SESTD1: variants seen among roughly 807,000 people sequenced by gnomAD.
SESTD1 encodes the protein SEC14 and spectrin domain containing 1, also known as SEC14 domain and spectrin repeat-containing protein 1.
A neutral mutation model predicts 101.7 loss-of-function variants in SESTD1; 43 were observed. The ratio of observed to expected loss-of-function variants is 0.42; its 90% CI spans 0.33 to 0.55. The LOEUF (loss-of-function observed/expected upper bound fraction) is 0.55, where lower values mean the gene tolerates loss of function less well. Ranked by LOEUF, SESTD1 falls within the 20% of genes least tolerant of loss-of-function variation. The probability of loss-of-function intolerance (pLI) is 0.07; values close to 1 mark genes in which losing one functional copy is unlikely to be tolerated. For synonymous variants in SESTD1, 283 were observed against 286.8 expected (o/e 0.99, Z 0.13); for missense variants, 647 against 815.1 (o/e 0.79, Z 2.51).
In SESTD1 at chr2:179,264,786, C is replaced by G. The variant is rs2047540080; in HGVS notation, c.-313G>C. ...CGCGTCCGCGCGACCCCGCGCGCGCCCGGGTGACGGCGGTACAGCAACCCG... is the reference window on the plus strand; with the variant it reads ...CGCGTCCGCGCGACCCCGCGCGCGCGCGGGTGACGGCGGTACAGCAACCCG... On this transcript the variant is annotated 5_prime_UTR_variant, in exon 1 of 18. Transcript: ENST00000428443. 6.6e-6 allele frequency: 1 copy of G among 151,578 alleles called. No homozygotes were observed. The highest frequency in any genetic ancestry group is 6.6e-5 in the Admixed American group (1 of 15,178). The allele number at this position is 151,578 out of a possible 1,614,324, so 9.4% of individuals were successfully genotyped here.
chr2:179,168,860 G>A (rs190353875), intron 5 of SESTD1, among the ~76,000 whole-genome samples: 209 of 152,240 alleles, frequency 1.4e-3, no homozygotes, highest in African/African-American at 5.0e-3. Context: ...AACAATAATG[G>A]GATGGAAGTA....
intron 2 of SESTD1, among the ~76,000 whole-genome samples, chr2:179,185,588 A>G (rs1430176342): frequency 1.5e-5 from 2 of 130,806 alleles, no homozygotes; most frequent in African/African-American, 5.9e-5. Flanking sequence ...TATATTATAT[A>G]TTGTATATTA....
intron 1 of SESTD1, among the ~76,000 whole-genome samples, chr2:179,243,979 CACAA>C (rs2047193248): frequency 6.6e-6 from 1 of 150,478 alleles, no homozygotes; most frequent in South Asian, 2.1e-4. Context: ...CACACACACA[CACAA>C]ATGAGGTGGT....
chr2:179,229,787 A>T (rs1423703527), intron 1 of SESTD1, among the ~76,000 whole-genome samples: 1 of 85,596 alleles, frequency 1.2e-5, no homozygotes, highest in African/African-American at 5.5e-5. Flanking sequence ...TCAAATACAC[A>T]CACACACACA....
At chr2:179,111,999 G>A (rs141756967) in intron 17 of SESTD1, among the ~76,000 whole-genome samples, 2,178 of 152,202 alleles carry the variant, frequency 0.014, 26 homozygotes, top group Admixed American at 0.032. Context: ...GATTACAGGC[G>A]TGAGCCACCA....
intron 9 of SESTD1, among the ~76,000 whole-genome samples, chr2:179,139,965 T>C (rs1035079311): frequency 6.6e-6 from 1 of 152,210 alleles, no homozygotes; most frequent in Non-Finnish European, 1.5e-5. Context: ...AGGAACCTCA[T>C]GGTCCTATGG....
chr2:179,106,519 C>T lies in SESTD1; in HGVS notation c.*3380G>A, dbSNP rs2044385811. The T allele has an allele frequency of 6.6e-6, 1 of 152,178 alleles. No individual in the cohort carries two copies. The highest frequency in any genetic ancestry group is 1.5e-5 in the Non-Finnish European group (1 of 68,034). 9.4% of individuals were successfully genotyped at this position (152,178 alleles called of 1,614,324 possible). A position where few individuals can be genotyped will look rare whatever the true frequency, so the allele number is the denominator to read the frequency against. The stretch of plus-strand genomic sequence containing the variant: ...AGATCAGAGTATGGTTTACTCATCA[C>T]TGTTAGTAAGGTAACTTAATTGTCA... On this transcript the variant is annotated 3_prime_UTR_variant, in exon 18 of 18. Coordinates refer to ENST00000428443, the MANE Select transcript of SESTD1 (RefSeq NM_178123.5).
chr2:179,166,646 G>C (rs1466053348), intron 5 of SESTD1, among the ~76,000 whole-genome samples: 3 of 152,156 alleles, frequency 2.0e-5, no homozygotes, highest in African/African-American at 7.2e-5. Flanking sequence ...GAATAACAAG[G>C]AACAGCAGCC....
At chr2:179,111,277 A>T (rs1304597560) in intron 17 of SESTD1, among the ~76,000 whole-genome samples, 14 of 152,338 alleles carry the variant, frequency 9.2e-5, no homozygotes, top group South Asian at 2.1e-4. Flanking sequence ...ACTATGAATA[A>T]TATTATTTCA....
intron 5 of SESTD1, among the ~76,000 whole-genome samples, chr2:179,166,497 AAT>A (rs1289443106): frequency 6.6e-6 from 1 of 152,202 alleles, no homozygotes; most frequent in Non-Finnish European, 1.5e-5. Flanking sequence ...TAGACCCAGG[AAT>A]ATATTATAAA....
In SESTD1 at chr2:179,210,544, T is replaced by C. The variant is rs2105516831; in HGVS notation, c.-25-18678A>G. 1.5e-5 allele frequency among the ~76,000 whole-genome samples: 2 copies of C among 135,220 alleles called. 1 individual carries two copies. The highest frequency in any genetic ancestry group is 5.6e-4 in the South Asian group (2 of 3,588). 88.7% of individuals were successfully genotyped at this position (135,220 alleles called of 152,430 possible). A position where few individuals can be genotyped will look rare whatever the true frequency, so the allele number is the denominator to read the frequency against. On this transcript the variant is annotated intron_variant, in intron 1 of 17. Coordinates refer to ENST00000428443, the MANE Select transcript of SESTD1 (RefSeq NM_178123.5). ...GGTTTAACATACACCAGTTGATATA[T>C]GTGATAACCACATAAACAAAACAAT... is the stretch of plus-strand genomic sequence containing the variant.
intron 2 of SESTD1, among the ~76,000 whole-genome samples, chr2:179,188,891 C>T (rs1228229889): frequency 6.6e-6 from 1 of 151,866 alleles, no homozygotes. Flanking sequence ...AAACTGAAGC[C>T]CTCAACAGCC....
At position 179,212,789 on chromosome 2, in the gene SESTD1, G is replaced by A. The variant is rs762863416; in HGVS notation, c.-25-20923C>T. Among the ~76,000 whole-genome samples, 8 of 134,846 alleles carry A rather than the reference G, an allele frequency of 5.9e-5. 2 individuals carry two copies. Among genetic ancestry groups the A allele is most frequent in the African/African-American group, 8.8e-5 (3 of 34,142 alleles). The allele number at this position is 134,846 out of a possible 152,430, so 88.5% of individuals were successfully genotyped here. On this transcript the variant is annotated intron_variant, in intron 1 of 17. Coordinates refer to ENST00000428443, the MANE Select transcript of SESTD1 (RefSeq NM_178123.5). ...GGTGCTCCTCTGGGACGAAGCTTCC[G>A]GAGGAAGGATCAGGCAGCAATATTT... is the stretch of plus-strand genomic sequence containing the variant.
At chr2:179,226,418 T>C (rs932886583) in intron 1 of SESTD1, among the ~76,000 whole-genome samples, 31 of 152,350 alleles carry the variant, frequency 2.0e-4, no homozygotes, top group African/African-American at 7.2e-4. Flanking sequence ...CTTGTCTTGT[T>C]AGGCCTTTCT....
intron 1 of SESTD1, among the ~76,000 whole-genome samples, chr2:179,222,678 G>A (rs1357134573): frequency 6.6e-6 from 1 of 152,152 alleles, no homozygotes. Context: ...GCACAGAGAA[G>A]TAATCTGCTC....
chr2:179,172,955 TTGAC>T (rs1395481555), intron 4 of SESTD1, among the ~76,000 whole-genome samples: 2 of 152,218 alleles, frequency 1.3e-5, no homozygotes, highest in Non-Finnish European at 2.9e-5. Context: ...GGCTCCTTGC[TTGAC>T]TTTCTCTTGC....
chr2:179,189,575 A>G (rs551908736), intron 2 of SESTD1, among the ~76,000 whole-genome samples: 49 of 152,308 alleles, frequency 3.2e-4, no homozygotes, highest in Non-Finnish European at 5.9e-4. Flanking sequence ...AGCAAGAACC[A>G]TCAGGCAAGA....
At position 179,102,597 on chromosome 2, in the gene SESTD1, G is replaced by T. The variant is rs2044294775; in HGVS notation, c.*7302C>A. ...TTTACAGTAGAAGCCAAATTTCCCA[G>T]CCCTTAAAATTTTAATAGGAAAAAT... is the stretch of plus-strand genomic sequence containing the variant. On this transcript the variant is annotated 3_prime_UTR_variant, in exon 18 of 18. Transcript: ENST00000428443. 1 of 151,990 alleles carries T rather than the reference G, an allele frequency of 6.6e-6. No individual in the cohort carries two copies. Among genetic ancestry groups the T allele is most frequent in the Admixed American group, 6.6e-5 (1 of 15,238 alleles). The allele number at this position is 151,990 out of a possible 1,614,324, so 9.4% of individuals were successfully genotyped here.
chr2:179,198,880 A>C (rs1045235489), intron 1 of SESTD1, among the ~76,000 whole-genome samples: 3 of 151,824 alleles, frequency 2.0e-5, no homozygotes, highest in Non-Finnish European at 2.9e-5. Context: ...ACACCCTAAC[A>C]TCACAATTAA....
Sources: gnomAD v4.1 joint callset for allele counts (sites outside exome capture counted in the v4.1 genomes callset) on GRCh38, gnomAD v4.1.1 for gene constraint, MANE v1.5 for transcripts, NCBI Gene and HGNC (gene_info 2026-07-23, HGNC 2026-07-21) for gene names.